The following ANK3 variants were observed in gnomAD, a reference collection of about 807,000 sequenced individuals.
ANK3 encodes ankyrin-3.
A neutral mutation model predicts 370.9 loss-of-function variants in ANK3; 57 were observed. The observed-to-expected ratio is 0.15, with a 90% CI of 0.12 to 0.19. The LOEUF (loss-of-function observed/expected upper bound fraction) is 0.19, where lower values mean the gene tolerates loss of function less well. Among genes scored for constraint, ANK3 ranks in the 10% least tolerant of loss-of-function variants. The pLI is 1.00. For synonymous variants in ANK3, 1,929 were observed against 1,946.3 expected (o/e 0.99, Z 0.23); for missense variants, 4,439 against 5,302.1 (o/e 0.84, Z 5.06).
intron 1 of ANK3, among the ~76,000 whole-genome samples, chr10:60,707,383 T>G (rs905504481): frequency 6.6e-6 from 1 of 152,172 alleles, no homozygotes; most frequent in Non-Finnish European, 1.5e-5. Context: ...CTTGAGTTAA[T>G]ACAAACACAA....
At position 60,075,910 on chromosome 10, in the gene ANK3, A is replaced by G; in HGVS notation, c.4971T>C (p.Ser1657=). 1.2e-6 allele frequency: 2 copies of G among 1,614,142 alleles called. No homozygotes were observed. The highest frequency in any genetic ancestry group is 8.5e-7 in the Non-Finnish European group (1 of 1,180,012). The change falls in exon 37 of 44, where the codon AGT becomes AGC. Residue 1657 remains serine (S), a synonymous_variant. Coordinates refer to ENST00000280772, the MANE Select transcript of ANK3 (RefSeq NM_020987.5). ...PKSNINMYSS[S]LPFKSIITSA... is the part of the protein sequence containing the mutation. The stretch of plus-strand genomic sequence containing the variant: ...ATGTAATAATTGACTTAAATGGCAA[A>G]CTTGAGGAATACATATTAATGTTTG...
At chr10:60,179,992 A>T (rs571430153) in intron 18 of ANK3, among the ~76,000 whole-genome samples, 1 of 151,366 alleles carries the variant, frequency 6.6e-6, no homozygotes, top group South Asian at 2.1e-4. Flanking sequence ...AAAGTGTTTA[A>T]GTCTGTCTCT....
intron 1 of ANK3, among the ~76,000 whole-genome samples, chr10:60,282,868 C>A (rs1232332063): frequency 6.6e-6 from 1 of 152,062 alleles, no homozygotes; most frequent in Non-Finnish European, 1.5e-5. Context: ...CAAGAAGAGG[C>A]GAATGAAGAC....
chr10:60,192,820 C>G (rs1428713828), intron 16 of ANK3, among the ~76,000 whole-genome samples: 1 of 152,154 alleles, frequency 6.6e-6, no homozygotes. Flanking sequence ...AACACAACTG[C>G]ACTTGTACCC....
intron 42 of ANK3, among the ~76,000 whole-genome samples, chr10:60,052,473 A>G (rs2078268356): frequency 6.6e-6 from 1 of 152,262 alleles, no homozygotes; most frequent in African/African-American, 2.4e-5. Flanking sequence ...AAATGTATGA[A>G]AGCTTGAAAT....
At chr10:60,410,296 A>G (rs2063533400) in intron 2 of ANK3, among the ~76,000 whole-genome samples, 1 of 152,024 alleles carries the variant, frequency 6.6e-6, no homozygotes, top group Non-Finnish European at 1.5e-5. Flanking sequence ...TAAAAAAAAA[A>G]AGACATTACT....
At chr10:60,713,858 T>TCC (rs1348391258) in intron 1 of ANK3, among the ~76,000 whole-genome samples, 1 of 150,960 alleles carries the variant, frequency 6.6e-6, no homozygotes, top group Admixed American at 6.6e-5. Context: ...AGAGTGAGAC[T>TCC]CCGTCTCAAA....
At chr10:60,423,983 T>C (rs973058767) in intron 2 of ANK3, among the ~76,000 whole-genome samples, 1 of 152,116 alleles carries the variant, frequency 6.6e-6, no homozygotes, top group African/African-American at 2.4e-5. Context: ...GGCAAATATA[T>C]ATTATTTCCT....
chr10:60,603,516 A>T (rs544576825), intron 2 of ANK3, among the ~76,000 whole-genome samples: 1 of 152,302 alleles, frequency 6.6e-6, no homozygotes, highest in South Asian at 2.1e-4. Context: ...AAACATTTAC[A>T]TCAGTTTCAA....
At chr10:60,052,860 A>G (rs1425515553) in intron 42 of ANK3, among the ~76,000 whole-genome samples, 1 of 152,134 alleles carries the variant, frequency 6.6e-6, no homozygotes, top group African/African-American at 2.4e-5. Context: ...AAACTGCTAT[A>G]GGAGGTACAG....
At chr10:60,521,543 A>C (rs1272022361) in intron 2 of ANK3, among the ~76,000 whole-genome samples, 1 of 152,088 alleles carries the variant, frequency 6.6e-6, no homozygotes, top group African/African-American at 2.4e-5. Flanking sequence ...GGACTGATAA[A>C]GTTTATTTGT....
intron 40 of ANK3, chr10:60,059,736 A>G: frequency 6.2e-7 from 1 of 1,613,872 alleles, no homozygotes; most frequent in Non-Finnish European, 8.5e-7. Flanking sequence ...ATCTACATCC[A>G]CTGCTTCAGG....
At chr10:60,568,460 T>C (rs562433910) in intron 2 of ANK3, among the ~76,000 whole-genome samples, 3 of 152,350 alleles carry the variant, frequency 2.0e-5, no homozygotes, top group South Asian at 4.1e-4. Flanking sequence ...AACTTTTATA[T>C]GCACTGGGAA....
intron 8 of ANK3, among the ~76,000 whole-genome samples, chr10:60,224,414 T>C (rs1286795093): frequency 6.6e-6 from 1 of 152,122 alleles, no homozygotes; most frequent in Non-Finnish European, 1.5e-5. Flanking sequence ...GCTCTCATGT[T>C]AGCCTAAGAG....
chr10:60,513,085 C>A (rs1006966687), intron 2 of ANK3, among the ~76,000 whole-genome samples: 8 of 152,020 alleles, frequency 5.3e-5, no homozygotes, highest in Non-Finnish European at 1.0e-4. Flanking sequence ...AGGTTCATAC[C>A]TTTATTAGTG....
chr10:60,446,909 T>C (rs1048174454), intron 2 of ANK3, among the ~76,000 whole-genome samples: 69 of 152,330 alleles, frequency 4.5e-4, no homozygotes, highest in Non-Finnish European at 1.8e-4. Context: ...CTTTGACATT[T>C]AATCATTGCA....
At chr10:60,608,384 G>A (rs1012035885) in intron 2 of ANK3, among the ~76,000 whole-genome samples, 2 of 152,060 alleles carry the variant, frequency 1.3e-5, no homozygotes, top group Non-Finnish European at 2.9e-5. Context: ...CTTTTCTATG[G>A]CCTGAGAAGG....
At chr10:60,170,575 G>T (rs1482885972) in intron 21 of ANK3, among the ~76,000 whole-genome samples, 1 of 152,190 alleles carries the variant, frequency 6.6e-6, no homozygotes, top group Admixed American at 6.5e-5. Context: ...TTTGGTGGAA[G>T]CCTCATTTTC....
chr10:60,422,824 C>T (rs1488306185), intron 2 of ANK3, among the ~76,000 whole-genome samples: 1 of 151,966 alleles, frequency 6.6e-6, no homozygotes, highest in Non-Finnish European at 1.5e-5. Flanking sequence ...AAATAGAAAG[C>T]TCATGTGGGA....
Sources: gnomAD v4.1 joint callset for allele counts (sites outside exome capture counted in the v4.1 genomes callset) on GRCh38, gnomAD v4.1.1 for gene constraint, MANE v1.5 for transcripts, NCBI Gene and HGNC (gene_info 2026-07-23, HGNC 2026-07-21) for gene names.